Variants in ANXA7 observed in about 807,000 individuals in gnomAD.
The protein encoded by ANXA7 is annexin A7, also known as annexin VII.
A neutral mutation model predicts 64.9 loss-of-function variants in ANXA7; 55 were observed. The ratio of observed to expected loss-of-function variants is 0.85; its 90% CI spans 0.68 to 1.06. The LOEUF (loss-of-function observed/expected upper bound fraction) is 1.06. Among genes scored for constraint, ANXA7 ranks in the 50% least tolerant of loss-of-function variants. The pLI is 0.00. For missense variants in ANXA7, 548 were observed against 582.1 expected (o/e 0.94, Z 0.60); for synonymous variants, 200 against 192.4 (o/e 1.04, Z -0.33).
intron 1 of ANXA7, among the ~76,000 whole-genome samples, chr10:73,405,863 C>A (rs2055748633): frequency 6.6e-6 from 1 of 152,178 alleles, no homozygotes; most frequent in Non-Finnish European, 1.5e-5. Flanking sequence ...TCGTCATTCT[C>A]CACCACACCA....
Position 73,383,615 on chromosome 10 carries a change from T to C in ANXA7, c.709A>G (p.Thr237Ala), listed in dbSNP as rs1166912983. Residue 237 changes from threonine (T) to alanine (A), a missense_variant, in exon 8 of 13, where the codon ACG (threonine) becomes GCG (alanine). Physicochemically the swap from Thr to Ala is moderately conservative, Grantham distance 58 (BLOSUM62 0). Coordinates refer to ENST00000372921, the MANE Select transcript of ANXA7 (RefSeq NM_001156.5). ...ELILALFMPP[T>A]YYDAWSLRKA... ...CGTAAGCTCCAGGCATCGTAATACG[T>C]AGGAGGCATGAAGAGGGCCAGGATC... 18 of 1,613,634 alleles carry C rather than the reference T, an allele frequency of 1.1e-5. No homozygotes were observed. Among genetic ancestry groups the C allele is most frequent in the South Asian group, 2.2e-5 (2 of 91,072 alleles).
chr10:73,384,866 T>C (rs1200879141), intron 7 of ANXA7, among the ~76,000 whole-genome samples: 1 of 151,824 alleles, frequency 6.6e-6, no homozygotes, highest in Non-Finnish European at 1.5e-5. Flanking sequence ...AAAATTAGCA[T>C]GCAAAGACGA....
intron 5 of ANXA7, chr10:73,396,090 GA>G: frequency 6.3e-7 from 1 of 1,598,660 alleles, no homozygotes; most frequent in Non-Finnish European, 8.6e-7. Context: ...AGGATAGGAA[GA>G]AAAAGAATCT....
chr10:73,404,781 G>T (rs759619058), intron 1 of ANXA7, among the ~76,000 whole-genome samples: 1 of 149,996 alleles, frequency 6.7e-6, no homozygotes, highest in Non-Finnish European at 1.5e-5. Context: ...TAAATAAACA[G>T]AGAAAAAAAC....
rs111813848 is a variant in ANXA7, at chr10:73,395,948, C to T, written c.435+571G>A. 5.0e-6 allele frequency: 4 copies of T among 801,476 alleles called. No individual in the cohort carries two copies. The African/African-American group carries it at 5.1e-5, about 10-fold the overall frequency. The allele number at this position is 801,476 out of a possible 1,614,324, so 49.6% of individuals were successfully genotyped here. A position where few individuals can be genotyped will look rare whatever the true frequency, so the allele number is the denominator to read the frequency against. ...AAAGATAAAATAGATACAGGTGAGC[C>T]CTTAAGAAGTAGTGAGAGACAAGTA... On this transcript the variant is annotated intron_variant, in intron 5 of 12. Transcript: ENST00000372921.
chr10:73,396,188 A>G, intron 5 of ANXA7: 1 of 932,484 alleles, frequency 1.1e-6, no homozygotes, highest in South Asian at 1.5e-5. Flanking sequence ...AGAAATACCA[A>G]TCACCCAGCC....
intron 1 of ANXA7, 96 bp from the exon 2 acceptor site, chr10:73,400,953 T>G: frequency 9.3e-7 from 1 of 1,071,614 alleles, no homozygotes; most frequent in Non-Finnish European, 1.3e-6. Flanking sequence ...TGTCACCAGG[T>G]TGGAGTGCAG....
intron 12 of ANXA7, among the ~76,000 whole-genome samples, chr10:73,377,108 T>C (rs1277448937): frequency 6.6e-6 from 1 of 152,220 alleles, no homozygotes; most frequent in Admixed American, 6.5e-5. Context: ...TGCATAACAA[T>C]GTGAATGTAC....
chr10:73,391,154 G>C (rs1301103603), intron 5 of ANXA7, among the ~76,000 whole-genome samples: 1 of 147,494 alleles, frequency 6.8e-6, no homozygotes, highest in Admixed American at 6.7e-5. Flanking sequence ...TGGCAACAGA[G>C]TGAGACTCTG....
At chr10:73,398,417 C>T (rs369047780) in intron 2 of ANXA7, 32 bp from the exon 3 acceptor site, 43 of 1,569,532 alleles carry the variant, frequency 2.7e-5, no homozygotes, top group Admixed American at 2.1e-4. Context: ...TAAACAAATA[C>T]GATCATAGAG....
intron 5 of ANXA7, among the ~76,000 whole-genome samples, chr10:73,392,165 C>T (rs552357340): frequency 2.4e-4 from 36 of 152,196 alleles, no homozygotes; most frequent in African/African-American, 7.9e-4. Flanking sequence ...AGTTGAATCC[C>T]TGAATAGACC....
chr10:73,384,349 T>C (rs2055327349), intron 7 of ANXA7, among the ~76,000 whole-genome samples: 1 of 152,168 alleles, frequency 6.6e-6, no homozygotes, highest in South Asian at 2.1e-4. Context: ...AAAGGAACTG[T>C]TCTTGGTTCT....
rs749934344 is a variant in ANXA7 at position 73,400,831 on chromosome 10, G to A, written c.26C>T (p.Thr9Ile). 1 of 1,605,214 alleles carries A rather than the reference G, an allele frequency of 6.2e-7. No individual in the cohort carries two copies. Among genetic ancestry groups the A allele is most frequent in the Non-Finnish European group, 8.5e-7 (1 of 1,175,216 alleles). Residue 9 changes from threonine to isoleucine, a missense_variant, in exon 2 of 13, where the codon ACA (threonine) becomes ATA (isoleucine). By Grantham distance (89) the Thr-to-Ile change is moderately conservative. Coordinates refer to ENST00000372921, the MANE Select transcript of ANXA7 (RefSeq NM_001156.5). Reference sequence around the variant, plus strand: ...ATATCCAGGGAAAGGTGGGTAGCCTGTTGGGGGATAGCCTGGGTATGACAT... The same window carrying A: ...ATATCCAGGGAAAGGTGGGTAGCCTATTGGGGGATAGCCTGGGTATGACAT... MSYPGYPP[T>I]GYPPFPGYPP...
In ANXA7 at chr10:73,396,534, A is replaced by G. The variant is rs1442794540; in HGVS notation, c.420T>C (p.Pro140=). The change falls in exon 5 of 13, where the codon CCT becomes CCC. Residue 140 remains proline (P), a synonymous_variant. Transcript: ENST00000372921. ...QMPSQYPGGQ[P]TYPSQPATVT... is the part of the protein sequence containing the mutation. ...AACAAAATACCTGACTAGGGTAAGT[A>G]GGTTGTCCTCCAGGATACTGAGAAG... The G allele has an allele frequency of 1.2e-6, 2 of 1,611,110 alleles. No homozygotes were observed. Among genetic ancestry groups the G allele is most frequent in the Admixed American group, 1.7e-5 (1 of 59,506 alleles).
chr10:73,384,921 G>A (rs2055340446), intron 7 of ANXA7, among the ~76,000 whole-genome samples: 1 of 152,064 alleles, frequency 6.6e-6, no homozygotes, highest in South Asian at 2.1e-4. Flanking sequence ...CCAAGGAACA[G>A]AGAAGGGGTT....
intron 1 of ANXA7, among the ~76,000 whole-genome samples, chr10:73,412,211 A>AT (rs1467364315): frequency 6.6e-6 from 1 of 151,608 alleles, no homozygotes; most frequent in South Asian, 2.1e-4. Context: ...TAATTTTTGT[A>AT]TTTTTAGTAG....
intron 5 of ANXA7, among the ~76,000 whole-genome samples, chr10:73,393,731 T>C (rs2055523553): frequency 6.6e-6 from 1 of 152,196 alleles, no homozygotes; most frequent in African/African-American, 2.4e-5. Flanking sequence ...AAGACTTAAA[T>C]GTTAGATCTA....
At chr10:73,381,599 G>C (rs967491019) in intron 9 of ANXA7, 2 of 152,182 alleles carry the variant, frequency 1.3e-5, no homozygotes, top group Non-Finnish European at 2.9e-5. Flanking sequence ...AAATTTCCCA[G>C]ATTATTGCCT....
At chr10:73,379,072 T>A in intron 11 of ANXA7, 49 bp from the exon 12 acceptor site, 1 of 1,313,038 alleles carries the variant, frequency 7.6e-7, no homozygotes, top group Non-Finnish European at 1.1e-6. Context: ...TCACAAGAAG[T>A]GTACCCCTCC....
Sources: allele counts gnomAD v4.1 joint callset (sites outside exome capture counted in the v4.1 genomes callset), GRCh38; gene constraint gnomAD v4.1.1; transcripts MANE v1.5; gene names NCBI Gene and HGNC (gene_info 2026-07-23, HGNC 2026-07-21).